CYP4Z1: variants seen among roughly 807,000 people sequenced by gnomAD.
CYP4Z1 encodes cytochrome P450 family 4 subfamily Z member 1.
CYP4Z1 carries 41 observed loss-of-function variants against 54.2 expected under a neutral mutation model. That is an observed-to-expected ratio of 0.76 (90% CI 0.59 to 0.98). The LOEUF is 0.98. Among genes scored for constraint, CYP4Z1 ranks in the 50% least tolerant of loss-of-function variants. The probability of loss-of-function intolerance (pLI) is 0.00; values close to 1 mark genes in which losing one functional copy is unlikely to be tolerated. For synonymous variants in CYP4Z1, 163 were observed against 206.2 expected (o/e 0.79, Z 1.79); for missense variants, 513 against 599.0 (o/e 0.86, Z 1.50).
At chr1:47,107,055 C>G (rs1644761975) in intron 9 of CYP4Z1, among the ~76,000 whole-genome samples, 1 of 151,980 alleles carries the variant, frequency 6.6e-6, no homozygotes, top group African/African-American at 2.4e-5. Flanking sequence ...CCATAGTTGC[C>G]CAATAGCAAT....
At chr1:47,093,544 C>A (rs1265809566) in intron 6 of CYP4Z1, among the ~76,000 whole-genome samples, 2 of 152,166 alleles carry the variant, frequency 1.3e-5, no homozygotes, top group Non-Finnish European at 2.9e-5. Flanking sequence ...GCTATTATGG[C>A]CCATGCTAAA....
chr1:47,114,547 C>T lies in CYP4Z1; in HGVS notation c.1202-982C>T, dbSNP rs912710129. ...GAGAAAATTTTTGCAATCTCCTCAT[C>T]TGACAAAGGGCTAACATCCAGAATC... On this transcript the variant is annotated intron_variant, in intron 9 of 11. Coordinates refer to ENST00000334194, the MANE Select transcript of CYP4Z1 (RefSeq NM_178134.3). 3.8e-4 allele frequency among the ~76,000 whole-genome samples: 58 copies of T among 152,180 alleles called. 4 individuals are homozygous for T. The highest frequency in any genetic ancestry group is 2.9e-5 in the Non-Finnish European group (2 of 68,050).
chr1:47,103,351 T>G (rs1273565551), intron 8 of CYP4Z1, among the ~76,000 whole-genome samples: 1 of 151,766 alleles, frequency 6.6e-6, no homozygotes, highest in East Asian at 2.0e-4. Flanking sequence ...GGCTAATTTT[T>G]TTTTTTAATA....
chr1:47,060,298 T>C, the CYP4Z1 span, among the ~76,000 whole-genome samples: 1 of 152,218 alleles, frequency 6.6e-6, no homozygotes, highest in Non-Finnish European at 1.5e-5. Context: ...CCCAATGGTA[T>C]GCTGTCTTCA....
chr1:47,105,391 G>A (rs1644749499), intron 8 of CYP4Z1, among the ~76,000 whole-genome samples: 1 of 152,120 alleles, frequency 6.6e-6, no homozygotes, highest in African/African-American at 2.4e-5. Flanking sequence ...ATGTCTTCAT[G>A]CAATCTCCAG....
intron 7 of CYP4Z1, among the ~76,000 whole-genome samples, chr1:47,095,401 G>A (rs1054563409): frequency 6.6e-6 from 1 of 152,130 alleles, no homozygotes; most frequent in South Asian, 2.1e-4. Flanking sequence ...TGTCTCATGA[G>A]GTGTCCACGT....
At chr1:47,099,399 G>T in intron 8 of CYP4Z1, 115 bp downstream of exon 8, 2 of 1,030,858 alleles carry the variant, frequency 1.9e-6, no homozygotes, top group South Asian at 1.8e-5. Flanking sequence ...CATTTGGAAA[G>T]GTAAGGGTGT....
the CYP4Z1 span, among the ~76,000 whole-genome samples, chr1:47,059,453 TG>T: frequency 6.6e-6 from 1 of 152,322 alleles, no homozygotes; most frequent in East Asian, 1.9e-4. Context: ...TATCCAAATT[TG>T]GAAGATAGTT....
rs1644833450 is a variant in CYP4Z1, at chr1:47,116,772, T to C, written c.1349+40T>C. On this transcript the variant is annotated intron_variant, in intron 11 of 11. Transcript: ENST00000334194. Reference sequence around the variant, plus strand: ...TGGTGAACTTGATGGAAATGTGTAATAGTGCTTACCTGACAAGTGCTTCTT... The same window carrying C: ...TGGTGAACTTGATGGAAATGTGTAACAGTGCTTACCTGACAAGTGCTTCTT... 3 of 1,464,444 alleles carry C rather than the reference T, an allele frequency of 2.0e-6. No individual in the cohort carries two copies. In the East Asian group the frequency reaches 6.8e-5, roughly 33 times the overall value. 90.7% of individuals were successfully genotyped at this position (1,464,444 alleles called of 1,614,324 possible). A position where few individuals can be genotyped will look rare whatever the true frequency, so the allele number is the denominator to read the frequency against.
intron 2 of CYP4Z1, among the ~76,000 whole-genome samples, chr1:47,068,992 A>G (rs767192566): frequency 6.6e-6 from 1 of 152,116 alleles, no homozygotes; most frequent in Non-Finnish European, 1.5e-5. Flanking sequence ...CTACATGGCA[A>G]ATTTTTTCTG....
intron 6 of CYP4Z1, among the ~76,000 whole-genome samples, chr1:47,088,390 T>A (rs1356810412): frequency 6.1e-5 from 9 of 147,688 alleles, no homozygotes; most frequent in Admixed American, 1.4e-4. Context: ...ATTGGTCTAT[T>A]CAGAGATTCA....
intron 2 of CYP4Z1, among the ~76,000 whole-genome samples, chr1:47,074,309 T>TC (rs1644503596): frequency 6.7e-6 from 1 of 148,468 alleles, no homozygotes; most frequent in African/African-American, 2.5e-5. Context: ...CTTTCCTTCC[T>TC]CCCCCACCCC....
At chr1:47,083,279 T>C (rs1445419882) in intron 4 of CYP4Z1, among the ~76,000 whole-genome samples, 1 of 152,162 alleles carries the variant, frequency 6.6e-6, no homozygotes, top group East Asian at 1.9e-4. Context: ...CAGTGTGCCA[T>C]GTTGTTATCC....
chr1:47,084,688 C>G lies in CYP4Z1; in HGVS notation c.561C>G (p.Thr187=). The change falls in exon 5 of 12, where the codon ACC becomes ACG. Residue 187 remains threonine, a synonymous_variant. Transcript: ENST00000334194. Reference sequence around the variant, plus strand: ...TCTTTCAACATGTCTCCCTGATGACCCTGGACAGCATCATGAAGTGTGCCT... The same window carrying G: ...TCTTTCAACATGTCTCCCTGATGACGCTGGACAGCATCATGAAGTGTGCCT... ...LELFQHVSLM[T]LDSIMKCAFS... 2.5e-6 allele frequency: 4 copies of G among 1,611,534 alleles called. No homozygotes were observed. Among genetic ancestry groups the G allele is most frequent in the Non-Finnish European group, 2.5e-6 (3 of 1,179,378 alleles).
chr1:47,085,573 C>G lies in CYP4Z1; in HGVS notation c.772+595C>G, dbSNP rs868781263. 6.6e-5 allele frequency among the ~76,000 whole-genome samples: 10 copies of G among 152,298 alleles called. No homozygotes were observed. In the South Asian group the frequency reaches 2.1e-3, roughly 32 times the overall value. On this transcript the variant is annotated intron_variant, in intron 6 of 11. Coordinates refer to ENST00000334194, the MANE Select transcript of CYP4Z1 (RefSeq NM_178134.3). ...GTCTTAAGATCTACTCTATCTGCTA[C>G]TAGTATGATAACCTCTGCTTTCCTT...
intron 8 of CYP4Z1, among the ~76,000 whole-genome samples, chr1:47,105,927 G>A (rs1196649605): frequency 1.5e-5 from 2 of 136,248 alleles, no homozygotes; most frequent in African/African-American, 5.6e-5. Context: ...GCGGGGGGGG[G>A]AGAATCACTT....
At chr1:47,063,318 T>C (rs2221322), upstream of CYP4Z1, among the ~76,000 whole-genome samples, 63,485 of 151,696 alleles carry the variant, frequency 0.42, 14,620 homozygotes, top group East Asian at 0.97. Context: ...TCTGGTAATA[T>C]GACAAAACAA....
intron 6 of CYP4Z1, among the ~76,000 whole-genome samples, chr1:47,085,382 A>G (rs1217601823): frequency 6.6e-6 from 1 of 152,166 alleles, no homozygotes; most frequent in Non-Finnish European, 1.5e-5. Flanking sequence ...AACACAGCAC[A>G]CCACTGAGTA....
chr1:47,062,347 T>G (rs1332639378), upstream of CYP4Z1, among the ~76,000 whole-genome samples: 1 of 152,172 alleles, frequency 6.6e-6, no homozygotes, highest in Non-Finnish European at 1.5e-5. Flanking sequence ...TCTACAGACC[T>G]TTGAAGTAAC....
Sources: gnomAD v4.1 joint callset for allele counts (sites outside exome capture counted in the v4.1 genomes callset) on GRCh38, gnomAD v4.1.1 for gene constraint, MANE v1.5 for transcripts, NCBI Gene and HGNC (gene_info 2026-07-23, HGNC 2026-07-21) for gene names.